PLEKHG1: variants seen among roughly 807,000 people sequenced by gnomAD.
The protein encoded by PLEKHG1 is pleckstrin homology domain-containing family G member 1.
A neutral mutation model predicts 100.8 loss-of-function variants in PLEKHG1; 44 were observed. That is an observed-to-expected ratio of 0.44 (90% CI 0.34 to 0.56). The LOEUF is 0.56. Ranked by LOEUF, PLEKHG1 falls within the 20% of genes least tolerant of loss-of-function variation. The probability of loss-of-function intolerance (pLI) is 0.01; values close to 1 mark genes in which losing one functional copy is unlikely to be tolerated. For synonymous variants in PLEKHG1, 640 were observed against 662.5 expected (o/e 0.97, Z 0.52); for missense variants, 1,545 against 1,720.9 (o/e 0.90, Z 1.81).
chr6:150,758,334 GA>G (rs1351629866), intron 2 of PLEKHG1, among the ~76,000 whole-genome samples: 1 of 122,646 alleles, frequency 8.2e-6, no homozygotes, highest in Admixed American at 8.1e-5. Context: ...TCTGTTTCTT[GA>G]CTTTTTTTTT....
intron 3 of PLEKHG1, among the ~76,000 whole-genome samples, chr6:150,714,360 C>T (rs986459076): frequency 6.6e-6 from 1 of 152,168 alleles, no homozygotes; most frequent in Non-Finnish European, 1.5e-5. Context: ...ACAAATTGAG[C>T]TAATGATTGT....
intron 2 of PLEKHG1, among the ~76,000 whole-genome samples, chr6:150,764,585 C>A: frequency 6.6e-6 from 1 of 152,208 alleles, no homozygotes; most frequent in Non-Finnish European, 1.5e-5. Flanking sequence ...TAGGCGCACG[C>A]CCTGCTCTGT....
intron 1 of PLEKHG1, among the ~76,000 whole-genome samples, chr6:150,606,665 C>T (rs1010850200): frequency 1.3e-5 from 2 of 152,158 alleles, no homozygotes; most frequent in Non-Finnish European, 1.5e-5. Flanking sequence ...CTTTTCTCTT[C>T]GTATCCAAGT....
chr6:150,732,630 T>A (rs913812965), intron 1 of PLEKHG1, among the ~76,000 whole-genome samples: 2 of 152,262 alleles, frequency 1.3e-5, no homozygotes, highest in Admixed American at 1.3e-4. Flanking sequence ...TTTGTTGTTT[T>A]GTTTTGAGAT....
At chr6:150,684,001 G>A (rs760461916) in intron 3 of PLEKHG1, 9 of 355,342 alleles carry the variant, frequency 2.5e-5, no homozygotes, top group Admixed American at 2.0e-4. Context: ...GGCGGAGACC[G>A]CAGGTAGATG....
chr6:150,804,834 C>G, intron 7 of PLEKHG1, 93 bp downstream of exon 8: 1 of 1,147,496 alleles, frequency 8.7e-7, no homozygotes. Flanking sequence ...AAGTACTGCA[C>G]TACACTCATC....
intron 2 of PLEKHG1, among the ~76,000 whole-genome samples, chr6:150,647,996 A>G (rs879546368): frequency 6.6e-6 from 1 of 151,968 alleles, no homozygotes; most frequent in African/African-American, 2.4e-5. Flanking sequence ...AAAAAAGTAC[A>G]TTTGCATTTT....
intron 2 of PLEKHG1, among the ~76,000 whole-genome samples, chr6:150,748,381 C>T (rs1783281958): frequency 6.6e-6 from 1 of 151,592 alleles, no homozygotes; most frequent in East Asian, 1.9e-4. Flanking sequence ...TTAAATCTCA[C>T]CATAAATTCT....
chr6:150,805,678 C>A (rs1371791130), intron 7 of PLEKHG1, among the ~76,000 whole-genome samples: 24 of 152,090 alleles, frequency 1.6e-4, no homozygotes, highest in Admixed American at 1.6e-3. Context: ...CAGGGGCATA[C>A]CACCACGCCC....
chr6:150,679,998 G>A (rs1779880823), intron 3 of PLEKHG1, among the ~76,000 whole-genome samples: 2 of 152,186 alleles, frequency 1.3e-5, no homozygotes, highest in Admixed American at 6.5e-5. Context: ...AAGTCAGCAA[G>A]GGGGCCAGGA....
At chr6:150,809,520 A>G (rs373235346) in intron 9 of PLEKHG1, 44 bp downstream of exon 10, 1 of 1,533,278 alleles carries the variant, frequency 6.5e-7, no homozygotes, top group African/African-American at 1.4e-5. Flanking sequence ...CCTTTGTGTA[A>G]TGATGAGTGC....
intron 15 of PLEKHG1, among the ~76,000 whole-genome samples, chr6:150,833,267 G>T (rs972072540): frequency 4.0e-5 from 6 of 151,858 alleles, no homozygotes; most frequent in African/African-American, 1.5e-4. Context: ...TGCCCAGGCT[G>T]CTCTCAAACT....
intron 7 of PLEKHG1, 33 bp from the exon 9 acceptor site, chr6:150,809,072 C>T (rs1403615421): frequency 1.3e-6 from 2 of 1,587,962 alleles, no homozygotes; most frequent in South Asian, 1.1e-5. Flanking sequence ...GCTTCTGCCT[C>T]CTGTAAATGC....
intron 7 of PLEKHG1, among the ~76,000 whole-genome samples, chr6:150,807,738 C>A (rs1262406237): frequency 1.3e-5 from 2 of 152,062 alleles, no homozygotes; most frequent in African/African-American, 4.8e-5. Context: ...CTTTGGGAGG[C>A]CAAGTGGATC....
At chr6:150,690,255 T>C (rs962268223) in intron 3 of PLEKHG1, among the ~76,000 whole-genome samples, 6 of 152,192 alleles carry the variant, frequency 3.9e-5, no homozygotes, top group Admixed American at 1.3e-4. Context: ...CAGGTGGTAT[T>C]TGGTTACATG....
intron 1 of PLEKHG1, among the ~76,000 whole-genome samples, chr6:150,725,688 CT>C (rs552052102): frequency 3.2e-3 from 487 of 150,830 alleles, no homozygotes; most frequent in African/African-American, 0.011. Flanking sequence ...CTGTTGTTGC[CT>C]GTGCTTTTGG....
rs549704809 is a variant in PLEKHG1 at position 150,667,858 on chromosome 6, CT to C, written c.-99+17074del. Among the ~76,000 whole-genome samples, 623 of 152,288 alleles carry C rather than the reference CT, an allele frequency of 4.1e-3. 4 individuals are homozygous for C. Among genetic ancestry groups the C allele is most frequent in the African/African-American group, 0.014 (580 of 41,570 alleles). On this transcript the variant is annotated intron_variant, in intron 3 of 3. Coordinates refer to the PLEKHG1 transcript ENST00000367326. ...CAGTCACAAGTAAAAATACTGTCTTCTTGTGGTAGAGTGCTACTTATTCCTT... is the reference window on the plus strand; with the variant it reads ...CAGTCACAAGTAAAAATACTGTCTTCTGTGGTAGAGTGCTACTTATTCCTT...
chr6:150,659,443 T>C (rs755234597), intron 3 of PLEKHG1, among the ~76,000 whole-genome samples: 23 of 152,156 alleles, frequency 1.5e-4, no homozygotes, highest in Non-Finnish European at 2.6e-4. Context: ...CACCTCTTCA[T>C]TGGGAGGCCT....
intron 15 of PLEKHG1, among the ~76,000 whole-genome samples, chr6:150,834,577 G>A (rs1039266969): frequency 2.0e-5 from 3 of 152,188 alleles, no homozygotes; most frequent in Non-Finnish European, 4.4e-5. Context: ...TAGGGCCTAC[G>A]ACTACCTCGA....
Sources: allele counts gnomAD v4.1 joint callset (sites outside exome capture counted in the v4.1 genomes callset), GRCh38; gene constraint gnomAD v4.1.1; transcripts MANE v1.5; gene names NCBI Gene and HGNC (gene_info 2026-07-23, HGNC 2026-07-21).